The following ENTPD1 variants were observed in gnomAD, a reference collection of about 807,000 sequenced individuals.
ENTPD1 encodes the protein ATP diphosphohydrolase.
ENTPD1 carries 33 observed loss-of-function variants against 57.0 expected under a neutral mutation model. That is an observed-to-expected ratio of 0.58 (90% CI 0.44 to 0.77). The LOEUF (loss-of-function observed/expected upper bound fraction) is 0.77. Among genes scored for constraint, ENTPD1 ranks in the 30% least tolerant of loss-of-function variants. The probability of loss-of-function intolerance (pLI) is 0.00; values close to 1 mark genes in which losing one functional copy is unlikely to be tolerated. For synonymous variants in ENTPD1, 202 were observed against 218.8 expected (o/e 0.92, Z 0.68); for missense variants, 501 against 603.4 (o/e 0.83, Z 1.78).
chr10:95,755,253 C>A (rs769424783), upstream of ENTPD1: 1 of 163,990 alleles, frequency 6.1e-6, no homozygotes, highest in Non-Finnish European at 1.3e-5. Flanking sequence ...CATCTCTAAC[C>A]TCTTTTAGAC....
At position 95,839,268 on chromosome 10, in the gene ENTPD1, C is replaced by T. The variant is rs542929371; in HGVS notation, c.145-423C>T. The T allele has an allele frequency of 1.4e-3, 362 of 256,574 alleles. 8 individuals are homozygous for T. In the South Asian group the frequency reaches 0.017, roughly 12 times the overall value. The allele number at this position is 256,574 out of a possible 1,614,324, so 15.9% of individuals were successfully genotyped here. A position where few individuals can be genotyped will look rare whatever the true frequency, so the allele number is the denominator to read the frequency against. ...ATACCTGGGTCTAGGACACAAGCAT[C>T]AGTAGCCATTGAAGCTTTCCAGGTG... is the stretch of plus-strand genomic sequence containing the variant. On this transcript the variant is annotated intron_variant, in intron 2 of 9. Coordinates refer to ENST00000371205, the MANE Select transcript of ENTPD1 (RefSeq NM_001776.6).
chr10:95,851,029 A>G (rs939215468), intron 7 of ENTPD1, among the ~76,000 whole-genome samples: 3 of 152,232 alleles, frequency 2.0e-5, no homozygotes, highest in African/African-American at 7.2e-5. Flanking sequence ...ACAGAATCCA[A>G]TGTTGTGGGC....
chr10:95,756,127 G>A (rs2098022335), upstream of ENTPD1: 4 of 1,547,578 alleles, frequency 2.6e-6, no homozygotes, highest in Non-Finnish European at 2.6e-6. Flanking sequence ...GAGCCCAAGG[G>A]TCTGTTATAT....
intron 7 of ENTPD1, among the ~76,000 whole-genome samples, chr10:95,860,165 A>G (rs2098462960): frequency 6.6e-6 from 1 of 152,222 alleles, no homozygotes; most frequent in Non-Finnish European, 1.5e-5. Context: ...GTATTTTTAA[A>G]TGGGATTTTT....
At chr10:95,722,802 G>T (rs1227038228) in intron 1 of ENTPD1, among the ~76,000 whole-genome samples, 1 of 152,190 alleles carries the variant, frequency 6.6e-6, no homozygotes, top group Admixed American at 6.5e-5. Flanking sequence ...TAAATCCCCT[G>T]TTAGGAAATC....
chr10:95,752,511 G>T (rs914521732), upstream of ENTPD1, among the ~76,000 whole-genome samples: 1 of 152,066 alleles, frequency 6.6e-6, no homozygotes, highest in African/African-American at 2.4e-5. Context: ...CACAAAATTA[G>T]CTGGGTGTGG....
chr10:95,853,916 A>G (rs1284841642), intron 7 of ENTPD1, among the ~76,000 whole-genome samples: 3 of 152,036 alleles, frequency 2.0e-5, no homozygotes, highest in African/African-American at 7.3e-5. Context: ...GTCTCTGCCA[A>G]GCTTTGGTAT....
chr10:95,742,112 C>A (rs373516501), intron 1 of ENTPD1, among the ~76,000 whole-genome samples: 61 of 152,296 alleles, frequency 4.0e-4, no homozygotes, highest in Middle Eastern at 3.4e-3. Flanking sequence ...AGTCTAAGGG[C>A]CATGTGTTCT....
At chr10:95,711,746 C>T (rs1205024638), upstream of ENTPD1, 31 of 602,694 alleles carry the variant, frequency 5.1e-5, no homozygotes, top group South Asian at 5.1e-4. Flanking sequence ...CTGTGCCCAG[C>T]CTCCCCTTCA....
At chr10:95,722,087 A>T (rs557563731) in intron 1 of ENTPD1, among the ~76,000 whole-genome samples, 1 of 152,228 alleles carries the variant, frequency 6.6e-6, no homozygotes, top group South Asian at 2.1e-4. Context: ...TTGAGTCAGG[A>T]TTGAGATAGA....
exon 1 of ENTPD1, chr10:95,711,806 A>C (rs541054357): frequency 9.5e-6 from 10 of 1,048,998 alleles, no homozygotes; most frequent in African/African-American, 3.1e-5. Flanking sequence ...TGATCAAATA[A>C]ATTTGTATGC....
chr10:95,784,102 C>T (rs1364831077), intron 1 of ENTPD1, among the ~76,000 whole-genome samples: 26 of 134,562 alleles, frequency 1.9e-4, no homozygotes, highest in Non-Finnish European at 2.5e-4. Context: ...TTTGCTTGTT[C>T]TTTTTTTTTT....
intron 1 of ENTPD1, among the ~76,000 whole-genome samples, chr10:95,721,537 T>C (rs926192691): frequency 2.0e-5 from 3 of 152,228 alleles, no homozygotes; most frequent in Non-Finnish European, 4.4e-5. Flanking sequence ...AACATCAATA[T>C]AGCCATCAGG....
chr10:95,817,852 G>C (rs1033034915), intron 1 of ENTPD1, among the ~76,000 whole-genome samples: 1 of 152,140 alleles, frequency 6.6e-6, no homozygotes, highest in African/African-American at 2.4e-5. Flanking sequence ...TGAGGATAGG[G>C]ACATTTCTCA....
intron 1 of ENTPD1, among the ~76,000 whole-genome samples, chr10:95,800,545 T>C (rs1233717152): frequency 6.6e-6 from 1 of 152,158 alleles, no homozygotes; most frequent in African/African-American, 2.4e-5. Flanking sequence ...CTGAGGGTAC[T>C]GCAGGAGACC....
chr10:95,856,057 GTCAC>G (rs781419653), intron 7 of ENTPD1, among the ~76,000 whole-genome samples: 1 of 152,128 alleles, frequency 6.6e-6, no homozygotes, highest in Non-Finnish European at 1.5e-5. Flanking sequence ...CATTCTCCCC[GTCAC>G]TTTCAGGTAC....
rs2141027848 is a variant in ENTPD1 at position 95,871,636 on chromosome 10, T to C, written c.*5253T>C. 2 of 985,104 alleles carry C rather than the reference T, an allele frequency of 2.0e-6. No individual in the cohort carries two copies. Among genetic ancestry groups the C allele is most frequent in the Non-Finnish European group, 2.4e-6 (2 of 829,618 alleles). 61.0% of individuals were successfully genotyped at this position (985,104 alleles called of 1,614,324 possible). A position where few individuals can be genotyped will look rare whatever the true frequency, so the allele number is the denominator to read the frequency against. The stretch of plus-strand genomic sequence containing the variant: ...GAAAAGTGGCATTCAAGACTCTTCA[T>C]TTGAAGTGAAGATTGCTATGTCTTT... On this transcript the variant is annotated 3_prime_UTR_variant, in exon 10 of 10. Transcript: ENST00000371205.
At chr10:95,709,169 C>CT (rs1249127415), upstream of ENTPD1, among the ~76,000 whole-genome samples, 3 of 152,148 alleles carry the variant, frequency 2.0e-5, no homozygotes, top group African/African-American at 7.2e-5. Context: ...ACTTCAAAAA[C>CT]TATCATACAA....
Position 95,847,494 on chromosome 10 carries a change from A to G in ENTPD1, c.862A>G (p.Lys288Glu). The G allele has an allele frequency of 6.2e-7, 1 of 1,614,174 alleles. No individual in the cohort carries two copies. Among genetic ancestry groups the G allele is most frequent in the Non-Finnish European group, 8.5e-7 (1 of 1,180,024 alleles). ...LRDPCFHPGY[K>E]KVVNVSDLYK... ...GGACCCATGCTTTCATCCTGGATAT[A>G]AGAAGGTAGTGAACGTAAGTGACCT... Residue 288 changes from lysine (K) to glutamate (E), a missense_variant, in exon 7 of 10, where the codon AAG (lysine) becomes GAG (glutamate). Physicochemically the swap from Lys to Glu is moderately conservative, Grantham distance 56 (BLOSUM62 1). Coordinates refer to ENST00000371205, the MANE Select transcript of ENTPD1 (RefSeq NM_001776.6).
Sources: gnomAD v4.1 joint callset for allele counts (sites outside exome capture counted in the v4.1 genomes callset) on GRCh38, gnomAD v4.1.1 for gene constraint, MANE v1.5 for transcripts, NCBI Gene and HGNC (gene_info 2026-07-23, HGNC 2026-07-21) for gene names.